ZNF318: variants seen among roughly 807,000 people sequenced by gnomAD.
ZNF318 encodes the protein endocrine regulator.
Under a neutral mutation model 124.2 loss-of-function variants are expected in ZNF318, and 51 were observed. That is an observed-to-expected ratio of 0.41 (90% CI 0.33 to 0.52). ZNF318 has a LOEUF of 0.52. ZNF318 is among the 20% of genes least tolerant of loss of function. ZNF318 has a pLI of 0.23. For synonymous variants in ZNF318, 1,090 were observed against 1,040.7 expected (o/e 1.05, Z -0.91); for missense variants, 2,815 against 2,811.2 (o/e 1.00, Z -0.03).
At chr6:43,345,890 A>G (rs1210438071) in intron 6 of ZNF318, among the ~76,000 whole-genome samples, 2 of 151,834 alleles carry the variant, frequency 1.3e-5, no homozygotes, top group African/African-American at 4.8e-5. Context: ...GAGGATCATC[A>G]CTTGAGCCTA....
chr6:43,354,726 G>C lies in ZNF318; in HGVS notation c.2608C>G (p.Leu870Val), dbSNP rs9357410. Residue 870 changes from leucine (L) to valine (V), a missense_variant, in exon 4 of 10, where the codon CTC (leucine) becomes GTC (valine). Transcript: ENST00000361428. The part of the protein sequence containing the change: ...QVPVQVSIPS[L>V]IRYNPEKISD... Reference sequence around the variant, plus strand: ...ATCTTCTCTGGATTATATCTTATGAGTGATGGAATGGACACCTGGACAGGC... The same window carrying C: ...ATCTTCTCTGGATTATATCTTATGACTGATGGAATGGACACCTGGACAGGC... The C allele has an allele frequency of 1.9e-4, 304 of 1,614,034 alleles. 2 individuals are homozygous for C. The East Asian group carries it at 6.2e-3, about 33-fold the overall frequency.
chr6:43,337,221 C>T lies in ZNF318; in HGVS notation c.6777G>A (p.Met2259Ile), dbSNP rs545410952. 2 of 1,613,856 alleles carry T rather than the reference C, an allele frequency of 1.2e-6. No individual in the cohort carries two copies. The change falls in exon 10 of 10, where the codon ATG (methionine) becomes ATA (isoleucine). Residue 2259 changes from methionine to isoleucine, a missense_variant. Met to Ile is a conservative substitution (Grantham distance 10). Transcript: ENST00000361428. ...CACCAACTGTAGTTTCCTGTTCAGG[C>T]ATTCCCTGAGGGACCATATTGTCTT... ...VIEDNMVPQG[M>I]PEQETTVGAI...
At chr6:43,347,847 A>G (rs550573512) in intron 6 of ZNF318, among the ~76,000 whole-genome samples, 5 of 152,370 alleles carry the variant, frequency 3.3e-5, no homozygotes, top group Admixed American at 1.3e-4. Context: ...GATACTAAGC[A>G]GGAGCATCCA....
In ZNF318 at chr6:43,338,187, A is replaced by T; in HGVS notation, c.5811T>A (p.Ser1937Arg). 6.2e-7 allele frequency: 1 copy of T among 1,614,008 alleles called. No individual in the cohort carries two copies. The change falls in exon 10 of 10, where the codon AGT (serine) becomes AGA (arginine). Residue 1937 changes from serine (S) to arginine (R), a missense_variant. By Grantham distance (110) the Ser-to-Arg change is moderately radical. Coordinates refer to ENST00000361428, the MANE Select transcript of ZNF318 (RefSeq NM_014345.3). ...TTGATCTTTCTCTCTTGAGTTTGAG[A>T]CTTCTGTACCTAGAAGTTCTAGAAG... ...ESASRTSRYR[S>R]LKLKRERSKD...
intron 1 of ZNF318, 28 bp downstream of exon 1, chr6:43,368,939 G>A: frequency 7.3e-7 from 1 of 1,365,088 alleles, no homozygotes; most frequent in Non-Finnish European, 9.5e-7. Context: ...GGGGGATGGA[G>A]GGAGTCCTGG....
At position 43,340,157 on chromosome 6, in the gene ZNF318, G is replaced by A; in HGVS notation, c.3841C>T (p.Pro1281Ser). 4 of 1,613,898 alleles carry A rather than the reference G, an allele frequency of 2.5e-6. No homozygotes were observed. The highest frequency in any genetic ancestry group is 3.4e-6 in the Non-Finnish European group (4 of 1,179,990). ...SSFGKFSWKK[P>S]EKEEEKSSLV... ...GAACTTTTCTCCTCTTCTTTTTCTG[G>A]CTTCTTCCAGCTGAATTTCCCAAAA... is the stretch of plus-strand genomic sequence containing the variant. The change falls in exon 10 of 10, where the codon CCA (proline) becomes TCA (serine). Residue 1281 changes from proline to serine, a missense_variant. This residue lies in a region of ZNF318 where 500 missense variants were observed against 605.2 expected (regional missense o/e 0.83). Transcript: ENST00000361428.
Position 43,355,300 on chromosome 6 carries a change from G to A in ZNF318, c.2034C>T (p.Ser678=). Residue 678 remains serine (S), a synonymous_variant, in exon 4 of 10, where the codon AGC becomes AGT. Transcript: ENST00000361428. ...GGGTATTGCTATGATGTGCCTCCCTGCTCTCTAGTCTGTGGGGATCTGAGG... is the reference window on the plus strand; with the variant it reads ...GGGTATTGCTATGATGTGCCTCCCTACTCTCTAGTCTGTGGGGATCTGAGG... ...RRSSDPHRLE[S]REAHHSNTHS... 6.2e-7 allele frequency: 1 copy of A among 1,614,194 alleles called. No homozygotes were observed. The highest frequency in any genetic ancestry group is 8.5e-7 in the Non-Finnish European group (1 of 1,180,034).
intron 6 of ZNF318, among the ~76,000 whole-genome samples, chr6:43,348,096 G>A (rs781765459): frequency 1.3e-5 from 2 of 152,158 alleles, no homozygotes; most frequent in Non-Finnish European, 2.9e-5. Context: ...GTAAATGCTG[G>A]AACAAGAACA....
intron 6 of ZNF318, among the ~76,000 whole-genome samples, chr6:43,344,205 C>T (rs1434213400): frequency 6.6e-6 from 1 of 152,178 alleles, no homozygotes; most frequent in Non-Finnish European, 1.5e-5. Context: ...AAAGAAATCA[C>T]ACCAGACAGG....
rs1316586096 is a variant in ZNF318, at chr6:43,357,643, T to C, written c.671A>G (p.Tyr224Cys). Residue 224 changes from tyrosine to cysteine, a missense_variant, in exon 3 of 10, where the codon TAC becomes TGC. By Grantham distance (194) the Tyr-to-Cys change is radical. Coordinates refer to ENST00000361428, the MANE Select transcript of ZNF318 (RefSeq NM_014345.3). ...ATGCAGGAAAGTTTCTTTTGTTCGG[T>C]AGTCCTCATCAAGTTGTCCCAAGAA... The part of the protein sequence containing the change: ...SPFLGQLDED[Y>C]RTKETFLHRS... 3.1e-6 allele frequency: 5 copies of C among 1,614,062 alleles called. No homozygotes were observed. Among genetic ancestry groups the C allele is most frequent in the Non-Finnish European group, 4.2e-6 (5 of 1,180,016 alleles).
At chr6:43,347,474 G>A (rs1299596166) in intron 6 of ZNF318, among the ~76,000 whole-genome samples, 2 of 152,234 alleles carry the variant, frequency 1.3e-5, no homozygotes, top group African/African-American at 4.8e-5. Context: ...AGCAGTTAGG[G>A]AAAGCAGAGC....
At position 43,339,227 on chromosome 6, in the gene ZNF318, GCTTAGTCTCAGGGGCCCC is replaced by G. The variant is rs560879967; in HGVS notation, c.4753_4770del (p.Gly1585_Lys1590del). 1,755 of 1,614,148 alleles carry G rather than the reference GCTTAGTCTCAGGGGCCCC, an allele frequency of 1.1e-3. 5 individuals are homozygous for G. Among genetic ancestry groups the G allele is most frequent in the South Asian group, 6.5e-3 (595 of 91,080 alleles). On this transcript the variant is annotated inframe_deletion, in exon 10 of 10. Transcript: ENST00000361428. This position sits in a 1 kb window ranked among gnomAD's most constrained non-coding sequence, Gnocchi z 4.2. ...CCATTGGCCAATGGACCACCACTTA[GCTTAGTCTCAGGGGCCCC>G]CTTAGTCTCAGGGGCCCCCTTTCCA...
intron 3 of ZNF318, 125 bp from the exon 4 acceptor site, chr6:43,356,270 G>A: frequency 9.9e-7 from 1 of 1,013,978 alleles, no homozygotes; most frequent in South Asian, 1.7e-5. Context: ...GGATAAAAGG[G>A]AGGAAAAGTA....
Position 43,369,164 on chromosome 6 carries a change from C to T in ZNF318, c.202G>A (p.Ala68Thr). 1 of 1,211,444 alleles carries T rather than the reference C, an allele frequency of 8.3e-7. No homozygotes were observed. The highest frequency in any genetic ancestry group is 4.1e-5 in the South Asian group (1 of 24,464). 75.0% of individuals were successfully genotyped at this position (1,211,444 alleles called of 1,614,324 possible). A position where few individuals can be genotyped will look rare whatever the true frequency, so the allele number is the denominator to read the frequency against. Reference protein sequence around the residue: ...RSPSGHRGRRASPSPPRGRRV... With the variant: ...RSPSGHRGRRTSPSPPRGRRV... The stretch of plus-strand genomic sequence containing the variant: ...CGACCCCGTGGCGGGGACGGCGAGG[C>T]CCGGCGGCCGCGGTGCCCTGAGGGC... Residue 68 changes from alanine to threonine, a missense_variant, in exon 1 of 10, where the codon GCC (alanine) becomes ACC (threonine). Transcript: ENST00000361428.
At chr6:43,341,637 G>GA (rs1779374453) in intron 8 of ZNF318, among the ~76,000 whole-genome samples, 1 of 135,004 alleles carries the variant, frequency 7.4e-6, no homozygotes, top group African/African-American at 2.8e-5. Context: ...GCAACAGAGA[G>GA]AGACCCCATC....
Position 43,355,018 on chromosome 6 carries a change from A to G in ZNF318, c.2316T>C (p.Ala772=). The stretch of plus-strand genomic sequence containing the variant: ...GTCCCTGGTAGTTCGGAGGTATCCG[A>G]GCTGCAGCAAACTGAGAGGCCCTTG... ...HMPRASQFAA[A]RIPPNYQGPA... is the part of the protein sequence containing the mutation. The change falls in exon 4 of 10, where the codon GCT becomes GCC. Residue 772 remains alanine (A), a synonymous_variant. Transcript: ENST00000361428. 2 of 1,613,002 alleles carry G rather than the reference A, an allele frequency of 1.2e-6. No individual in the cohort carries two copies. Among genetic ancestry groups the G allele is most frequent in the Non-Finnish European group, 1.7e-6 (2 of 1,179,302 alleles).
At position 43,369,379 on chromosome 6, in the gene ZNF318, G is replaced by A; in HGVS notation, c.-14C>T. 1 of 1,242,320 alleles carries A rather than the reference G, an allele frequency of 8.0e-7. No homozygotes were observed. The allele number at this position is 1,242,320 out of a possible 1,614,324, so 77.0% of individuals were successfully genotyped here. A position where few individuals can be genotyped will look rare whatever the true frequency, so the allele number is the denominator to read the frequency against. ...GCTGCGGTACATGGTTCTTGCAGCG[G>A]CGGCCACGGCGACAGCTCTGACCCG... On this transcript the variant is annotated 5_prime_UTR_variant, in exon 1 of 10. Coordinates refer to ENST00000361428, the MANE Select transcript of ZNF318 (RefSeq NM_014345.3).
rs1188380557 is a variant in ZNF318 at position 43,337,641 on chromosome 6, G to A, written c.6357C>T (p.Gly2119=). ...LTENVDRGLG[G]LEGTHQALDL... The stretch of plus-strand genomic sequence containing the variant: ...CAAGGGCCTGGTGTGTTCCCTCTAG[G>A]CCCCCCAAGCCACGGTCAACATTTT... The change falls in exon 10 of 10, where the codon GGC becomes GGT. Residue 2119 remains glycine (G), a synonymous_variant. Transcript: ENST00000361428. The A allele has an allele frequency of 6.2e-7, 1 of 1,613,996 alleles. No homozygotes were observed. The highest frequency in any genetic ancestry group is 1.7e-5 in the Admixed American group (1 of 60,012).
chr6:43,340,718 ACGC>A, intron 9 of ZNF318, 69 bp downstream of exon 9: 2 of 1,538,062 alleles, frequency 1.3e-6, no homozygotes, highest in Non-Finnish European at 1.8e-6. Flanking sequence ...TCTGGCTCGG[ACGC>A]CATTTGACAA....
Sources: gnomAD v4.1 joint callset for allele counts (sites outside exome capture counted in the v4.1 genomes callset) on GRCh38, gnomAD v4.1.1 for gene constraint, gnomAD v4.1.1 regional missense constraint, Gnocchi (gnomAD v3.1) non-coding constraint, MANE v1.5 for transcripts, NCBI Gene and HGNC (gene_info 2026-07-23, HGNC 2026-07-21) for gene names.